Variants in SEL1L3 observed in about 807,000 individuals in gnomAD.
SEL1L3 encodes the protein protein sel-1 homolog 3.
In SEL1L3, 76 loss-of-function variants were observed where a neutral mutation model predicts 142.8. That is an observed-to-expected ratio of 0.53 (90% CI 0.44 to 0.64). The LOEUF (loss-of-function observed/expected upper bound fraction) is 0.64. SEL1L3 is among the 30% of genes least tolerant of loss of function. The probability of loss-of-function intolerance (pLI) is 0.00; values close to 1 mark genes in which losing one functional copy is unlikely to be tolerated. For missense variants in SEL1L3, 1,262 were observed against 1,381.7 expected (o/e 0.91, Z 1.37); for synonymous variants, 504 against 519.6 (o/e 0.97, Z 0.41).
rs1210419839 is a variant in SEL1L3, at chr4:25,788,734, G to A, written c.2077-370C>T. 6.6e-6 allele frequency among the ~76,000 whole-genome samples: 1 copy of A among 152,094 alleles called. No homozygotes were observed. The highest frequency in any genetic ancestry group is 1.5e-5 in the Non-Finnish European group (1 of 68,030). On this transcript the variant is annotated intron_variant, in intron 12 of 23. Transcript: ENST00000399878. The surrounding 1 kb of genome is among the most constrained non-coding windows in gnomAD (Gnocchi z 5.3). ...TTCTTTTGGCCCAGCGATTGGCATG[G>A]AGGTCTCTGCACATCTGTATCATTA...
At chr4:25,713,977 T>C in the SEL1L3 span, among the ~76,000 whole-genome samples, 1 of 152,204 alleles carries the variant, frequency 6.6e-6, no homozygotes, top group South Asian at 2.1e-4. Context: ...GGATGCAATT[T>C]ATCTATTTAT....
At chr4:25,813,052 T>C (rs888312351) in intron 9 of SEL1L3, among the ~76,000 whole-genome samples, 2 of 152,086 alleles carry the variant, frequency 1.3e-5, no homozygotes, top group Admixed American at 1.3e-4. Context: ...ATAACAAGTG[T>C]TTCTGAGGAT....
At chr4:25,758,833 A>G (rs763630014) in intron 21 of SEL1L3, 108 bp downstream of exon 21, 1 of 1,225,314 alleles carries the variant, frequency 8.2e-7, no homozygotes, top group Non-Finnish European at 1.1e-6. Context: ...TGTTTTTTAA[A>G]TAACAATTTA....
rs770464699 is a variant in SEL1L3, at chr4:25,767,591, A to C, written c.2779T>G (p.Leu927Val). ...TATCTCCAAACACAGTTAACACCCA[A>C]GTATCTCCTGGCCAGGTCCTAAGGG... ...EERPDLARRY[L>V]GVNCVWRYYN... Residue 927 changes from leucine to valine, a missense_variant, in exon 19 of 24, where the codon TTG (leucine) becomes GTG (valine). By Grantham distance (32) the Leu-to-Val change is conservative. Transcript: ENST00000399878. 3 of 1,600,374 alleles carry C rather than the reference A, an allele frequency of 1.9e-6. No individual in the cohort carries two copies. Among genetic ancestry groups the C allele is most frequent in the Admixed American group, 1.7e-5 (1 of 58,876 alleles).
In SEL1L3 at chr4:25,833,049, G is replaced by A; in HGVS notation, c.1044C>T (p.Phe348=). The A allele has an allele frequency of 2.5e-6, 4 of 1,612,942 alleles. No homozygotes were observed. The highest frequency in any genetic ancestry group is 3.4e-6 in the Non-Finnish European group (4 of 1,179,042). ...KGEDLAVKTK[F]IIPLKEWFRL... is the part of the protein sequence containing the mutation. The stretch of plus-strand genomic sequence containing the variant: ...GAAACCACTCCTTCAAAGGTATGAT[G>A]AATTTAGTTTTTACAGCAAGGTCTT... The change falls in exon 5 of 24, where the codon TTC becomes TTT. Residue 348 remains phenylalanine (F), a synonymous_variant. Coordinates refer to ENST00000399878, the MANE Select transcript of SEL1L3 (RefSeq NM_015187.5).
At chr4:25,806,912 C>T (rs953643175) in intron 9 of SEL1L3, among the ~76,000 whole-genome samples, 1 of 151,140 alleles carries the variant, frequency 6.6e-6, no homozygotes, top group Non-Finnish European at 1.5e-5. Flanking sequence ...ACAGAAATCC[C>T]ATCTCCCTCA....
At chr4:25,833,417 T>C in intron 4 of SEL1L3, 31 bp downstream of exon 4, 3 of 1,593,078 alleles carry the variant, frequency 1.9e-6, no homozygotes, top group Non-Finnish European at 2.6e-6. Flanking sequence ...AAAATTACAA[T>C]ATCATTTTAA....
At chr4:25,797,448 T>C (rs181789865) in intron 11 of SEL1L3, among the ~76,000 whole-genome samples, 13 of 152,284 alleles carry the variant, frequency 8.5e-5, no homozygotes, top group Non-Finnish European at 1.3e-4. Context: ...TGCGTGTGTT[T>C]TCTTTGTAGA....
chr4:25,757,844 C>T (rs749667547), intron 21 of SEL1L3, 54 bp from the exon 22 acceptor site: 1 of 1,286,666 alleles, frequency 7.8e-7, no homozygotes, highest in Non-Finnish European at 1.1e-6. Context: ...GGTGGCACGA[C>T]TCAGGACTGG....
chr4:25,815,721 CA>C (rs942667103), intron 9 of SEL1L3, among the ~76,000 whole-genome samples: 7 of 151,988 alleles, frequency 4.6e-5, no homozygotes, highest in Middle Eastern at 3.2e-3. Context: ...GACAACCATC[CA>C]ACGGAAACCT....
chr4:25,824,884 G>A (rs1714992978), intron 6 of SEL1L3, among the ~76,000 whole-genome samples: 1 of 152,106 alleles, frequency 6.6e-6, no homozygotes, highest in South Asian at 2.1e-4. Flanking sequence ...AAAATGTCAT[G>A]GGAAAAAATT....
At chr4:25,836,744 T>A (rs1715847707) in intron 2 of SEL1L3, among the ~76,000 whole-genome samples, 1 of 152,230 alleles carries the variant, frequency 6.6e-6, no homozygotes, top group South Asian at 2.1e-4. Flanking sequence ...CCTGGGCCTC[T>A]TGGAGAGAGA....
intron 1 of SEL1L3, among the ~76,000 whole-genome samples, chr4:25,851,874 T>G (rs1577699111): frequency 8.0e-6 from 1 of 124,518 alleles, no homozygotes; most frequent in Admixed American, 9.4e-5. Flanking sequence ...GGCGACAGAG[T>G]GAGACTCTGT....
At chr4:25,822,684 A>T (rs1714838556) in intron 6 of SEL1L3, among the ~76,000 whole-genome samples, 1 of 152,218 alleles carries the variant, frequency 6.6e-6, no homozygotes, top group Admixed American at 6.5e-5. Context: ...CAGCCAGGTC[A>T]GAGGGTTTGG....
chr4:25,747,792 G>A lies in SEL1L3; in HGVS notation c.*633C>T, dbSNP rs190391497. The A allele has an allele frequency of 8.0e-4, 122 of 152,632 alleles. No individual in the cohort carries two copies. Among genetic ancestry groups the A allele is most frequent in the Non-Finnish European group, 6.8e-4 (46 of 68,032 alleles). The allele number at this position is 152,632 out of a possible 1,614,324, so 9.5% of individuals were successfully genotyped here. A position where few individuals can be genotyped will look rare whatever the true frequency, so the allele number is the denominator to read the frequency against. On this transcript the variant is annotated 3_prime_UTR_variant, in exon 24 of 24. Transcript: ENST00000399878. Reference sequence around the variant, plus strand: ...TGCAATTGAAATGTAAAAGATATCCGACAATGCCATTAAATGATTCGGAAG... The same window carrying A: ...TGCAATTGAAATGTAAAAGATATCCAACAATGCCATTAAATGATTCGGAAG...
intron 3 of SEL1L3, 105 bp from the exon 4 acceptor site, chr4:25,833,674 A>T: frequency 9.5e-7 from 1 of 1,057,404 alleles, no homozygotes. Flanking sequence ...CAATGAATGG[A>T]TGAATTTGCC....
intron 9 of SEL1L3, among the ~76,000 whole-genome samples, chr4:25,816,325 G>A (rs1714389952): frequency 6.6e-6 from 1 of 151,974 alleles, no homozygotes. Flanking sequence ...GAGAAATTAA[G>A]TAACTTGCCC....
chr4:25,736,230 T>TGTGTGTGTGTGTGTGTGTGA, the SEL1L3 span, among the ~76,000 whole-genome samples: 1 of 150,628 alleles, frequency 6.6e-6, no homozygotes, highest in Non-Finnish European at 1.5e-5. Context: ...TCTGTGTGTG[T>TGTGTGTGTGTGTGTGTGTGA]GTGTGTGTGT....
chr4:25,795,111 A>G (rs1712630231), intron 11 of SEL1L3, among the ~76,000 whole-genome samples: 1 of 152,170 alleles, frequency 6.6e-6, no homozygotes, highest in Admixed American at 6.5e-5. Context: ...CTGGCTTAAT[A>G]CTTAGATGAT....
Sources: gnomAD v4.1 joint callset for allele counts (sites outside exome capture counted in the v4.1 genomes callset) on GRCh38, gnomAD v4.1.1 for gene constraint, Gnocchi (gnomAD v3.1) non-coding constraint, MANE v1.5 for transcripts, NCBI Gene and HGNC (gene_info 2026-07-23, HGNC 2026-07-21) for gene names.